The following ATF6 variants were observed in gnomAD, a reference collection of about 807,000 sequenced individuals.
The protein encoded by ATF6 is activating transcription factor 6, also known as cyclic AMP-dependent transcription factor ATF-6 alpha.
A neutral mutation model predicts 83.6 loss-of-function variants in ATF6; 53 were observed. That is an observed-to-expected ratio of 0.63 (90% CI 0.51 to 0.80). The LOEUF (loss-of-function observed/expected upper bound fraction) is 0.80. Ranked by LOEUF, ATF6 falls within the 30% of genes least tolerant of loss-of-function variation. The pLI is 0.00. For missense variants in ATF6, 744 were observed against 797.9 expected, an observed-to-expected ratio of 0.93 and a Z score of 0.81; for synonymous variants, 288 against 285.8, an observed-to-expected ratio of 1.01 and a Z score of -0.08.
Position 161,959,317 on chromosome 1 carries a change from G to A in ATF6, c.*663G>A, listed in dbSNP as rs375729468. 6 of 152,306 alleles carry A rather than the reference G, an allele frequency of 3.9e-5. No individual in the cohort carries two copies. The East Asian group carries it at 1.2e-3, about 29-fold the overall frequency. 9.4% of individuals were successfully genotyped at this position (152,306 alleles called of 1,614,324 possible). A position where few individuals can be genotyped will look rare whatever the true frequency, so the allele number is the denominator to read the frequency against. On this transcript the variant is annotated 3_prime_UTR_variant, in exon 16 of 16. Transcript: ENST00000367942. ...GGTCAGGGAGTGGGTACAAATTTGA[G>A]AAAATAGAAGGGTAAGGGAAGGGCC... is the stretch of plus-strand genomic sequence containing the variant.
intron 2 of ATF6, among the ~76,000 whole-genome samples, chr1:161,780,972 T>C (rs934046080): frequency 6.6e-6 from 1 of 152,228 alleles, no homozygotes; most frequent in Non-Finnish European, 1.5e-5. Context: ...TGTTGCTGTT[T>C]TATCATTTGT....
At chr1:161,791,666 T>A in intron 5 of ATF6, 129 bp downstream of exon 5, 1 of 1,022,046 alleles carries the variant, frequency 9.8e-7, no homozygotes, top group Non-Finnish European at 1.4e-6. Context: ...TTGGTGGACC[T>A]ATATTGTTTG....
chr1:161,873,553 C>T (rs1011612071), intron 14 of ATF6, among the ~76,000 whole-genome samples: 1 of 151,540 alleles, frequency 6.6e-6, no homozygotes, highest in Non-Finnish European at 1.5e-5. Flanking sequence ...ACACCATCAG[C>T]AAATCTAAAC....
At chr1:161,950,378 A>C (rs1025650073) in intron 15 of ATF6, among the ~76,000 whole-genome samples, 6 of 152,348 alleles carry the variant, frequency 3.9e-5, no homozygotes, top group African/African-American at 1.4e-4. Flanking sequence ...AAAGAGCCAT[A>C]GTTTTTCAGA....
chr1:161,857,843 CTT>C (rs1275348464), intron 12 of ATF6, among the ~76,000 whole-genome samples: 7 of 152,046 alleles, frequency 4.6e-5, no homozygotes, highest in South Asian at 4.1e-4. Context: ...GAATAATACT[CTT>C]AATAAAATTT....
At chr1:161,848,738 T>C (rs950942034) in intron 10 of ATF6, among the ~76,000 whole-genome samples, 1 of 152,138 alleles carries the variant, frequency 6.6e-6, no homozygotes, top group Non-Finnish European at 1.5e-5. Context: ...TCCCTAGCAC[T>C]GTCCTTTACT....
intron 15 of ATF6, among the ~76,000 whole-genome samples, chr1:161,928,614 A>G (rs1688368084): frequency 9.4e-6 from 1 of 106,080 alleles, no homozygotes; most frequent in Admixed American, 8.8e-5. Context: ...TAAATATACA[A>G]AAGCCTTTTT....
intron 14 of ATF6, among the ~76,000 whole-genome samples, chr1:161,907,456 T>TA (rs1194743428): frequency 6.6e-6 from 1 of 152,198 alleles, no homozygotes; most frequent in African/African-American, 2.4e-5. Flanking sequence ...AGGCTGGTGT[T>TA]ACTATTGGTC....
At chr1:161,917,415 A>G (rs1204648392) in intron 15 of ATF6, among the ~76,000 whole-genome samples, 3 of 128,446 alleles carry the variant, frequency 2.3e-5, no homozygotes, top group East Asian at 2.1e-4. Flanking sequence ...AGATAATTTT[A>G]TACACAATTT....
chr1:161,849,067 A>G (rs1222736117), intron 10 of ATF6, among the ~76,000 whole-genome samples: 2 of 152,152 alleles, frequency 1.3e-5, no homozygotes, highest in Admixed American at 6.6e-5. Flanking sequence ...CTCATGGACT[A>G]CAGTGTTTGT....
At chr1:161,791,278 G>C in intron 4 of ATF6, 130 bp from the exon 5 acceptor site, 1 of 624,966 alleles carries the variant, frequency 1.6e-6, no homozygotes, top group Non-Finnish European at 2.6e-6. Flanking sequence ...TATATATACA[G>C]TTTCTAATAT....
chr1:161,823,603 T>C lies in ATF6; in HGVS notation c.1187+2442T>C, dbSNP rs1350156522. Among the ~76,000 whole-genome samples, 3 of 152,232 alleles carry C rather than the reference T, an allele frequency of 2.0e-5. No individual in the cohort carries two copies. In the East Asian group the frequency reaches 5.8e-4, roughly 29 times the overall value. On this transcript the variant is annotated intron_variant, in intron 9 of 15. Coordinates refer to ENST00000367942, the MANE Select transcript of ATF6 (RefSeq NM_007348.4). ...AGGCTTCTAAAACACATGGGGATACTTGAGACCTATTGTTGCTTCTTTAGG... is the reference window on the plus strand; with the variant it reads ...AGGCTTCTAAAACACATGGGGATACCTGAGACCTATTGTTGCTTCTTTAGG...
At chr1:161,791,690 C>A (rs1295843582) in intron 5 of ATF6, among the ~76,000 whole-genome samples, 153 bp downstream of exon 5, 1 of 152,028 alleles carries the variant, frequency 6.6e-6, no homozygotes, top group Non-Finnish European at 1.5e-5. Flanking sequence ...TGAGTGATTA[C>A]CGTGGAGAGG....
chr1:161,792,512 C>T (rs966737245), intron 6 of ATF6, among the ~76,000 whole-genome samples, 185 bp downstream of exon 6: 2 of 152,156 alleles, frequency 1.3e-5, no homozygotes. Context: ...GGATATAGCT[C>T]TCCAGACCAG....
chr1:161,788,572 C>CT (rs572027594), intron 4 of ATF6, among the ~76,000 whole-genome samples: 17 of 151,258 alleles, frequency 1.1e-4, no homozygotes, highest in Non-Finnish European at 1.5e-4. Flanking sequence ...TCAGGCTTAT[C>CT]TTTTTTTTTC....
intron 9 of ATF6, among the ~76,000 whole-genome samples, chr1:161,833,615 G>A (rs1019228135): frequency 6.6e-6 from 1 of 152,196 alleles, no homozygotes; most frequent in South Asian, 2.1e-4. Flanking sequence ...GAATGCACAA[G>A]CCTCAGTAAC....
intron 12 of ATF6, among the ~76,000 whole-genome samples, chr1:161,857,896 C>T (rs1686798447): frequency 6.6e-6 from 1 of 152,012 alleles, no homozygotes; most frequent in African/African-American, 2.4e-5. Flanking sequence ...ACTGCAGTAA[C>T]TGATATCAAA....
At chr1:161,953,253 TATATGAG>T (rs1413013523) in intron 15 of ATF6, among the ~76,000 whole-genome samples, 1 of 152,194 alleles carries the variant, frequency 6.6e-6, no homozygotes, top group Non-Finnish European at 1.5e-5. Context: ...CTACGTGAAT[TATATGAG>T]ATATAAGACA....
chr1:161,792,269 G>A lies in ATF6; in HGVS notation c.630G>A (p.Thr210=), dbSNP rs374110554. The change falls in exon 6 of 16, where the codon ACG becomes ACA. Residue 210 remains threonine (T), a synonymous_variant. Coordinates refer to ENST00000367942, the MANE Select transcript of ATF6 (RefSeq NM_007348.4). ...AKTIIIQTVP[T]LMPLAKQQPI... ...CCATCATTATTCAGACAGTACCAACGCTTATGCCATTGGCAAAGCAGCAAC... is the reference window on the plus strand; with the variant it reads ...CCATCATTATTCAGACAGTACCAACACTTATGCCATTGGCAAAGCAGCAAC... 14 of 1,613,890 alleles carry A rather than the reference G, an allele frequency of 8.7e-6. No homozygotes were observed. The highest frequency in any genetic ancestry group is 1.7e-5 in the Admixed American group (1 of 60,004).
Sources: allele counts gnomAD v4.1 joint callset (sites outside exome capture counted in the v4.1 genomes callset), GRCh38; gene constraint gnomAD v4.1.1; transcripts MANE v1.5; gene names NCBI Gene and HGNC (gene_info 2026-07-23, HGNC 2026-07-21).